RANBP2: variants seen among roughly 807,000 people sequenced by gnomAD.
RANBP2 encodes the protein E3 SUMO-protein ligase RanBP2.
RANBP2 carries 57 observed loss-of-function variants against 303.6 expected under a neutral mutation model. That is an observed-to-expected ratio of 0.19 (90% CI 0.15 to 0.23). RANBP2 has a LOEUF of 0.23. RANBP2 is among the 10% of genes least tolerant of loss of function. RANBP2 has a pLI of 1.00. For synonymous variants in RANBP2, 1,167 were observed against 1,301.5 expected (o/e 0.90, Z 2.23); for missense variants, 3,138 against 3,780.8 (o/e 0.83, Z 4.46).
At chr2:109,491,612 TG>T in the RANBP2 span, among the ~76,000 whole-genome samples, 3 of 152,178 alleles carry the variant, frequency 2.0e-5, no homozygotes, top group Non-Finnish European at 4.4e-5. Context: ...GGGTTTCACC[TG>T]GGGCTAGAGG....
At chr2:108,845,217 A>G in the RANBP2 span, among the ~76,000 whole-genome samples, 1 of 151,994 alleles carries the variant, frequency 6.6e-6, no homozygotes, top group Non-Finnish European at 1.5e-5. Context: ...AAAAACATGT[A>G]TTTTTTTTCT....
the RANBP2 span, among the ~76,000 whole-genome samples, chr2:109,393,015 A>C: frequency 6.6e-6 from 1 of 152,160 alleles, no homozygotes; most frequent in Non-Finnish European, 1.5e-5. Flanking sequence ...CGTGTTTTAC[A>C]ACTGGCAAGT....
the RANBP2 span, chr2:109,129,352 TCCCCGC>T: frequency 1.1e-6 from 1 of 871,222 alleles, no homozygotes; most frequent in Non-Finnish European, 1.8e-6. Flanking sequence ...CGCAGGCCGG[TCCCCGC>T]CACGCAGGCC....
At chr2:108,850,986 T>A in the RANBP2 span, among the ~76,000 whole-genome samples, 18 of 152,188 alleles carry the variant, frequency 1.2e-4, no homozygotes, top group African/African-American at 4.3e-4. Flanking sequence ...TCTCCAAGGC[T>A]GCCTCGTGCC....
the RANBP2 span, among the ~76,000 whole-genome samples, chr2:109,214,149 G>A: frequency 6.6e-6 from 1 of 152,178 alleles, no homozygotes; most frequent in Non-Finnish European, 1.5e-5. Flanking sequence ...CGTCTAGGTA[G>A]GGGCCTCAGC....
At position 108,765,326 on chromosome 2, in the gene RANBP2, A is replaced by G. The variant is rs1294423515; in HGVS notation, c.4787A>G (p.Lys1596Arg). 1.9e-6 allele frequency: 3 copies of G among 1,614,012 alleles called. No homozygotes were observed. The highest frequency in any genetic ancestry group is 2.5e-6 in the Non-Finnish European group (3 of 1,179,922). ...FGTSETSKAP[K>R]SGFEGMFTKK... Reference sequence around the variant, plus strand: ...ACTTCAGAGACAAGCAAGGCTCCAAAGAGCGGATTTGAGGGAATGTTCACT... The same window carrying G: ...ACTTCAGAGACAAGCAAGGCTCCAAGGAGCGGATTTGAGGGAATGTTCACT... Residue 1596 changes from lysine to arginine, a missense_variant, in exon 20 of 29, where the codon AAG (lysine) becomes AGG (arginine). Coordinates refer to ENST00000283195, the MANE Select transcript of RANBP2 (RefSeq NM_006267.5).
At chr2:109,026,678 G>A in the RANBP2 span, among the ~76,000 whole-genome samples, 3 of 152,156 alleles carry the variant, frequency 2.0e-5, no homozygotes, top group Non-Finnish European at 4.4e-5. Context: ...CCCTCTAGGT[G>A]GGGAAAAAGC....
the RANBP2 span, among the ~76,000 whole-genome samples, chr2:109,627,760 A>G: frequency 4.0e-3 from 610 of 152,344 alleles, 3 homozygotes; most frequent in Non-Finnish European, 6.8e-3. Context: ...TATGAAGTAC[A>G]TATTATATGT....
chr2:109,718,775 CA>C, the RANBP2 span, among the ~76,000 whole-genome samples: 2 of 151,958 alleles, frequency 1.3e-5, no homozygotes, highest in African/African-American at 4.8e-5. Context: ...GTCAGGAGAT[CA>C]AGACCATCCT....
the RANBP2 span, among the ~76,000 whole-genome samples, chr2:109,279,033 T>G: frequency 2.0e-5 from 3 of 152,222 alleles, no homozygotes; most frequent in African/African-American, 7.2e-5. Context: ...AAGTTATCTT[T>G]CTTCCAGGGT....
intron 1 of RANBP2, among the ~76,000 whole-genome samples, chr2:108,728,814 T>C (rs1694945103): frequency 6.6e-6 from 1 of 152,082 alleles, no homozygotes; most frequent in Non-Finnish European, 1.5e-5. Flanking sequence ...CTGGCTAATT[T>C]TTGTATTTTT....
the RANBP2 span, among the ~76,000 whole-genome samples, chr2:109,562,154 A>G: frequency 6.6e-6 from 1 of 152,096 alleles, no homozygotes; most frequent in Non-Finnish European, 1.5e-5. Context: ...CAGAGGTTGC[A>G]GTGAGCAGAG....
intron 7 of RANBP2, among the ~76,000 whole-genome samples, chr2:108,743,960 A>C (rs990077951): frequency 8.5e-5 from 13 of 152,224 alleles, no homozygotes; most frequent in Non-Finnish European, 4.4e-5. Context: ...CATAAAATGT[A>C]GGTTATGTGC....
chr2:109,425,500 AG>A, the RANBP2 span, among the ~76,000 whole-genome samples: 1 of 152,230 alleles, frequency 6.6e-6, no homozygotes, highest in Non-Finnish European at 1.5e-5. Flanking sequence ...CTCTCTTGTT[AG>A]GGGCTAATGC....
the RANBP2 span, among the ~76,000 whole-genome samples, chr2:109,349,365 T>A: frequency 2.0e-5 from 3 of 152,222 alleles, no homozygotes. Flanking sequence ...CCGATTGTCA[T>A]CTGGCTGCAC....
chr2:109,336,554 T>C, the RANBP2 span, among the ~76,000 whole-genome samples: 1 of 152,202 alleles, frequency 6.6e-6, no homozygotes, highest in African/African-American at 2.4e-5. Flanking sequence ...GGAACCAGTT[T>C]CCAAGGGAGG....
At chr2:109,639,908 A>G in the RANBP2 span, among the ~76,000 whole-genome samples, 2 of 151,430 alleles carry the variant, frequency 1.3e-5, no homozygotes, top group African/African-American at 4.8e-5. Flanking sequence ...ATAGGGTTTC[A>G]CCATATTGGT....
chr2:109,033,048 C>T, the RANBP2 span, among the ~76,000 whole-genome samples: 1 of 152,196 alleles, frequency 6.6e-6, no homozygotes, highest in East Asian at 1.9e-4. Context: ...AAATACATTT[C>T]CTTTAAACTG....
the RANBP2 span, among the ~76,000 whole-genome samples, chr2:108,919,742 C>T: frequency 1.3e-5 from 2 of 152,184 alleles, no homozygotes; most frequent in African/African-American, 4.8e-5. Flanking sequence ...GTAGCCGGGC[C>T]AGAGCCGGCA....
Sources: gnomAD v4.1 joint callset for allele counts (sites outside exome capture counted in the v4.1 genomes callset) on GRCh38, gnomAD v4.1.1 for gene constraint, MANE v1.5 for transcripts, NCBI Gene and HGNC (gene_info 2026-07-23, HGNC 2026-07-21) for gene names.